The following ARHGAP8 variants were observed in gnomAD, a reference collection of about 807,000 sequenced individuals.
ARHGAP8 encodes rho GTPase-activating protein 8.
A neutral mutation model predicts 46.1 loss-of-function variants in ARHGAP8; 62 were observed. That is an observed-to-expected ratio of 1.34 (90% confidence interval 1.10 to 1.66). ARHGAP8 has a LOEUF of 1.66. Ranked by LOEUF, ARHGAP8 falls within the 40% of genes most tolerant of loss-of-function variation. ARHGAP8 has a pLI of 0.00. For synonymous variants in ARHGAP8, 375 were observed against 243.1 expected (o/e 1.54, Z -5.05); for missense variants, 923 against 568.4 (o/e 1.62, Z -6.34).
chr22:44,824,987 CT>C (rs1459417357), intron 6 of ARHGAP8, among the ~76,000 whole-genome samples: 1 of 151,802 alleles, frequency 6.6e-6, no homozygotes, highest in African/African-American at 2.4e-5. Flanking sequence ...TTTATCCATC[CT>C]TTTCAGAGTC....
intron 8 of ARHGAP8, among the ~76,000 whole-genome samples, chr22:44,847,146 A>G (rs1276337405): frequency 6.6e-6 from 1 of 152,168 alleles, no homozygotes; most frequent in Non-Finnish European, 1.5e-5. Flanking sequence ...GGGCACCCCC[A>G]TCATGCACCG....
intron 1 of ARHGAP8, among the ~76,000 whole-genome samples, chr22:44,757,985 T>A (rs1303725666): frequency 6.6e-6 from 1 of 152,072 alleles, no homozygotes; most frequent in Non-Finnish European, 1.5e-5. Context: ...GCCAGTGGTC[T>A]CCACCTCAGA....
At chr22:44,842,797 CAA>C (rs1931740788) in intron 7 of ARHGAP8, among the ~76,000 whole-genome samples, 2 of 152,248 alleles carry the variant, frequency 1.3e-5, no homozygotes, top group South Asian at 4.2e-4. Context: ...TCTCTTGCAA[CAA>C]GAGAGAAAAG....
intron 11 of ARHGAP8, 61 bp downstream of exon 11, chr22:44,859,895 C>T (rs111353367): frequency 5.1e-6 from 8 of 1,570,088 alleles, no homozygotes; most frequent in Middle Eastern, 1.7e-4. Flanking sequence ...CATGCTGGGC[C>T]CGCATGGACC....
At chr22:44,848,612 C>A (rs1165628340) in intron 9 of ARHGAP8, among the ~76,000 whole-genome samples, 1 of 152,218 alleles carries the variant, frequency 6.6e-6, no homozygotes, top group African/African-American at 2.4e-5. Context: ...GGCCCAGGGC[C>A]TGCGGTGTCA....
intron 2 of ARHGAP8, among the ~76,000 whole-genome samples, chr22:44,798,032 A>T (rs908741890): frequency 7.1e-6 from 1 of 141,434 alleles, no homozygotes; most frequent in Non-Finnish European, 1.5e-5. Flanking sequence ...GCTAGAGTGC[A>T]TTGGTGTGAT....
At chr22:44,852,424 C>T (rs1400412609) in intron 10 of ARHGAP8, among the ~76,000 whole-genome samples, 3 of 152,070 alleles carry the variant, frequency 2.0e-5, no homozygotes. Context: ...TAGGGGGAGT[C>T]AGAGAGAGCC....
At chr22:44,842,563 C>G (rs151047346) in intron 7 of ARHGAP8, among the ~76,000 whole-genome samples, 1 of 152,198 alleles carries the variant, frequency 6.6e-6, no homozygotes, top group African/African-American at 2.4e-5. Flanking sequence ...ACCTCAGTGG[C>G]TCAGGCAGGT....
At chr22:44,859,861 G>C (rs369904910) in intron 11 of ARHGAP8, 27 bp downstream of exon 11, 6 of 1,608,432 alleles carry the variant, frequency 3.7e-6, no homozygotes, top group East Asian at 2.2e-5. Flanking sequence ...GGAGCTTGGG[G>C]TGAAGCCCAG....
intron 6 of ARHGAP8, among the ~76,000 whole-genome samples, chr22:44,824,250 C>T (rs1016021892): frequency 4.6e-5 from 7 of 152,134 alleles, no homozygotes; most frequent in African/African-American, 1.4e-4. Context: ...CAAAATAACC[C>T]CTCTACAGTA....
chr22:44,816,931 G>A (rs1380976968), intron 5 of ARHGAP8, among the ~76,000 whole-genome samples: 1 of 146,612 alleles, frequency 6.8e-6, no homozygotes, highest in Non-Finnish European at 1.5e-5. Context: ...TGTCCCCCAG[G>A]CTGGAGTGCA....
chr22:44,793,358 G>A (rs5766027), intron 2 of ARHGAP8, among the ~76,000 whole-genome samples: 26,645 of 151,854 alleles, frequency 0.18, 2,508 homozygotes, highest in East Asian at 0.44. Context: ...CAGGGGAGAG[G>A]GAGAGAAGTC....
At chr22:44,818,200 G>A (rs1929883893) in intron 5 of ARHGAP8, among the ~76,000 whole-genome samples, 3 of 151,838 alleles carry the variant, frequency 2.0e-5, no homozygotes, top group Admixed American at 6.6e-5. Context: ...TGTAATCCCA[G>A]CACTTTGGGA....
intron 1 of ARHGAP8, among the ~76,000 whole-genome samples, chr22:44,756,346 T>G (rs1487709715): frequency 2.0e-5 from 3 of 152,086 alleles, no homozygotes; most frequent in Non-Finnish European, 2.9e-5. Context: ...CGGGTGGGGC[T>G]CCCTGAAGGT....
intron 7 of ARHGAP8, 99 bp from the exon 8 acceptor site, chr22:44,845,170 G>A (rs951899398): frequency 2.7e-6 from 4 of 1,470,366 alleles, no homozygotes; most frequent in Admixed American, 1.9e-5. Flanking sequence ...CCTGGGTCCT[G>A]TGTTTTCACA....
intron 11 of ARHGAP8, among the ~76,000 whole-genome samples, chr22:44,860,209 C>T (rs1006112555): frequency 4.0e-5 from 6 of 149,178 alleles, no homozygotes; most frequent in African/African-American, 1.2e-4. Flanking sequence ...GCTGACCATT[C>T]CTGGGGAAGG....
rs1285335879 is a variant in ARHGAP8, at chr22:44,825,505, C to G, written c.508C>G (p.Leu170Val). The change falls in exon 7 of 12, where the codon CTG (leucine) becomes GTG (valine). Residue 170 changes from leucine to valine, a missense_variant. Physicochemically the swap from Leu to Val is conservative, Grantham distance 32. Coordinates refer to ENST00000356099, the MANE Select transcript of ARHGAP8 (RefSeq NM_181335.3). ...VLRYDEKLQS[L>V]HEGRTPPPTK... ...CAGGTACGATGAGAAGCTCCAGAGC[C>G]TGCACGAGGGCCGGACGCCGCCTCC... 1.2e-6 allele frequency: 2 copies of G among 1,613,556 alleles called. No homozygotes were observed. The highest frequency in any genetic ancestry group is 1.7e-6 in the Non-Finnish European group (2 of 1,179,874).
intron 4 of ARHGAP8, chr22:44,808,700 ACACCTGT>A (rs1388510518): frequency 1.6e-6 from 1 of 637,400 alleles, no homozygotes; most frequent in African/African-American, 1.8e-5. Context: ...ACCATGGCTC[ACACCTGT>A]AATCCCAGTA....
Position 44,794,714 on chromosome 22 carries a change from A to AAAT in ARHGAP8, c.80-7346_80-7344dup, listed in dbSNP as rs1321968337. 3.8e-4 allele frequency among the ~76,000 whole-genome samples: 57 copies of AAAT among 151,500 alleles called. 1 individual carries two copies. Among genetic ancestry groups the AAAT allele is most frequent in the African/African-American group, 9.7e-4 (40 of 41,222 alleles). ...GACAAAGCAAGACTCCGTCTCAGAA[A>AAAT]AATAATAATAATAATAATATACTTT... is the stretch of plus-strand genomic sequence containing the variant. On this transcript the variant is annotated intron_variant, in intron 2 of 11. Coordinates refer to ENST00000356099, the MANE Select transcript of ARHGAP8 (RefSeq NM_181335.3).
Sources: allele counts gnomAD v4.1 joint callset (sites outside exome capture counted in the v4.1 genomes callset), GRCh38; gene constraint gnomAD v4.1.1; transcripts MANE v1.5; gene names NCBI Gene and HGNC (gene_info 2026-07-23, HGNC 2026-07-21).